The following ASIC2 variants were observed in gnomAD, a reference collection of about 807,000 sequenced individuals.
The protein encoded by ASIC2 is acid-sensing ion channel 2.
ASIC2 carries 25 observed loss-of-function variants against 57.3 expected under a neutral mutation model. The observed-to-expected ratio is 0.44, with a 90% CI of 0.32 to 0.61. The LOEUF (loss-of-function observed/expected upper bound fraction) is 0.61. Among genes scored for constraint, ASIC2 ranks in the 20% least tolerant of loss-of-function variants. The pLI, the probability that ASIC2 is intolerant of heterozygous loss-of-function variation, is 0.06. For missense variants in ASIC2, 641 were observed against 738.1 expected (o/e 0.87, Z 1.52); for synonymous variants, 319 against 307.5 (o/e 1.04, Z -0.39).
At position 33,882,185 on chromosome 17, in the gene ASIC2, G is replaced by A. The variant is rs1040647835; in HGVS notation, c.555+273793C>T. On this transcript the variant is annotated intron_variant, in intron 1 of 9. Coordinates refer to the ASIC2 transcript ENST00000359872. ...GAAGAAAACCTAGGCATTACCATTCGGGACATAGGCATGGGCAAGGACTTC... is the reference window on the plus strand; with the variant it reads ...GAAGAAAACCTAGGCATTACCATTCAGGACATAGGCATGGGCAAGGACTTC... Among the ~76,000 whole-genome samples the A allele has an allele frequency of 4.1e-4, 62 of 152,140 alleles. 1 individual carries two copies. The highest frequency in any genetic ancestry group is 1.4e-3 in the African/African-American group (60 of 41,506).
intron 1 of ASIC2, among the ~76,000 whole-genome samples, chr17:33,355,304 C>T (rs2142253837): frequency 6.6e-6 from 1 of 152,260 alleles, no homozygotes; most frequent in Non-Finnish European, 1.5e-5. Flanking sequence ...CACTGCACTC[C>T]AGCGTGGACA....
At chr17:33,799,439 T>TTTCTTCCTTCC (rs1555562526) in intron 1 of ASIC2, among the ~76,000 whole-genome samples, 7 of 59,126 alleles carry the variant, frequency 1.2e-4, no homozygotes, top group African/African-American at 4.2e-4. Context: ...TCTTTCTTTC[T>TTTCTTCCTTCC]TTCTTTCTTT....
At chr17:33,554,666 G>A (rs1373696114) in intron 1 of ASIC2, among the ~76,000 whole-genome samples, 2 of 152,072 alleles carry the variant, frequency 1.3e-5, no homozygotes, top group East Asian at 1.9e-4. Flanking sequence ...TGACAGGCAA[G>A]GGAGGTGGGT....
At chr17:33,326,714 T>G (rs904803156) in intron 1 of ASIC2, among the ~76,000 whole-genome samples, 1 of 152,232 alleles carries the variant, frequency 6.6e-6, no homozygotes, top group Non-Finnish European at 1.5e-5. Flanking sequence ...GGCCTCCTAT[T>G]TTCTTTATTC....
chr17:33,017,831 G>A, intron 7 of ASIC2, 147 bp from the exon 8 acceptor site: 1 of 678,114 alleles, frequency 1.5e-6, no homozygotes, highest in South Asian at 1.9e-5. Flanking sequence ...GCCTTTGGCA[G>A]TTCCTTCCCT....
intron 1 of ASIC2, among the ~76,000 whole-genome samples, chr17:33,144,102 A>T (rs772591019): frequency 7.9e-5 from 12 of 151,980 alleles, no homozygotes; most frequent in Non-Finnish European, 1.5e-4. Flanking sequence ...CGGGGTGGGC[A>T]CCTCATCCAA....
intron 1 of ASIC2, among the ~76,000 whole-genome samples, chr17:34,116,507 G>A (rs1388616929): frequency 6.6e-6 from 1 of 152,148 alleles, no homozygotes; most frequent in Non-Finnish European, 1.5e-5. Flanking sequence ...ATTCCTGCTG[G>A]AGTATGTCTG....
chr17:33,730,764 T>G (rs761982841), intron 1 of ASIC2, among the ~76,000 whole-genome samples: 6 of 152,262 alleles, frequency 3.9e-5, no homozygotes, highest in Non-Finnish European at 8.8e-5. Context: ...CTTTTCTTTA[T>G]CTGTGTGTAT....
chr17:33,106,503 T>C (rs2092235025), intron 2 of ASIC2, among the ~76,000 whole-genome samples: 1 of 152,210 alleles, frequency 6.6e-6, no homozygotes. Context: ...AAACTCCCTG[T>C]ACACGGATTC....
At chr17:33,432,116 T>C (rs1267590940) in intron 1 of ASIC2, among the ~76,000 whole-genome samples, 1 of 152,162 alleles carries the variant, frequency 6.6e-6, no homozygotes, top group Non-Finnish European at 1.5e-5. Context: ...GCTGCGTGGG[T>C]CCAGTAATAC....
chr17:34,022,814 T>C (rs961638239), intron 1 of ASIC2, among the ~76,000 whole-genome samples: 2 of 152,200 alleles, frequency 1.3e-5, no homozygotes, highest in Non-Finnish European at 2.9e-5. Flanking sequence ...TCCTCTGATA[T>C]GATTTGAATT....
At chr17:33,424,687 T>C (rs1911157200) in intron 1 of ASIC2, among the ~76,000 whole-genome samples, 1 of 152,198 alleles carries the variant, frequency 6.6e-6, no homozygotes, top group South Asian at 2.1e-4. Context: ...ATTTTTCACC[T>C]CCTTTTCTTC....
At chr17:33,409,923 A>T (rs1042221202) in intron 1 of ASIC2, among the ~76,000 whole-genome samples, 12 of 152,118 alleles carry the variant, frequency 7.9e-5, no homozygotes, top group African/African-American at 2.9e-4. Flanking sequence ...TGCCCAGTTG[A>T]TCCAGCTCAG....
intron 3 of ASIC2, among the ~76,000 whole-genome samples, chr17:33,080,193 A>G (rs2092107711): frequency 1.3e-5 from 2 of 152,218 alleles, no homozygotes; most frequent in Non-Finnish European, 1.5e-5. Flanking sequence ...GAAGGGGGCC[A>G]AGGCAGAGTG....
intron 1 of ASIC2, among the ~76,000 whole-genome samples, chr17:33,629,682 A>G (rs1262036118): frequency 2.6e-5 from 4 of 152,148 alleles, no homozygotes; most frequent in South Asian, 4.1e-4. Context: ...CTATAGTGCT[A>G]TCTCTTTGAA....
At chr17:33,156,215 C>T (rs117217798) in intron 1 of ASIC2, among the ~76,000 whole-genome samples, 6,544 of 151,684 alleles carry the variant, frequency 0.043, 218 homozygotes, top group Non-Finnish European at 0.068. Context: ...GCAACCTCCG[C>T]CCTGCCAGTT....
At chr17:33,971,422 C>A (rs1486124395) in intron 1 of ASIC2, among the ~76,000 whole-genome samples, 1 of 152,204 alleles carries the variant, frequency 6.6e-6, no homozygotes, top group Non-Finnish European at 1.5e-5. Flanking sequence ...ACATTTCACA[C>A]ATATGCACAC....
At chr17:33,850,486 A>G (rs573579566) in intron 1 of ASIC2, among the ~76,000 whole-genome samples, 1 of 152,192 alleles carries the variant, frequency 6.6e-6, no homozygotes, top group Admixed American at 6.5e-5. Flanking sequence ...CTTGTCTGCT[A>G]GAGCATACCA....
chr17:33,141,347 A>G (rs951722850), intron 1 of ASIC2, among the ~76,000 whole-genome samples: 1 of 152,250 alleles, frequency 6.6e-6, no homozygotes, highest in African/African-American at 2.4e-5. Context: ...GCTTTCTTTT[A>G]CAGGTTGTTG....
Sources: allele counts gnomAD v4.1 joint callset (sites outside exome capture counted in the v4.1 genomes callset), GRCh38; gene constraint gnomAD v4.1.1; transcripts MANE v1.5; gene names NCBI Gene and HGNC (gene_info 2026-07-23, HGNC 2026-07-21).